The following CR1 variants were observed in gnomAD, a reference collection of about 807,000 sequenced individuals.
CR1 encodes complement C3b/C4b receptor 1 (Knops blood group).
Under a neutral mutation model 187.3 loss-of-function variants are expected in CR1, and 116 were observed. The observed-to-expected ratio is 0.62, with a 90% confidence interval of 0.53 to 0.72. The LOEUF (loss-of-function observed/expected upper bound fraction) is 0.72, where lower values mean the gene tolerates loss of function less well. Among genes scored for constraint, CR1 ranks in the 30% least tolerant of loss-of-function variants. The pLI is 0.00. For missense variants in CR1, 1,731 were observed against 2,110.7 expected (o/e 0.82, Z 3.52); for synonymous variants, 576 against 747.1 (o/e 0.77, Z 3.73).
In CR1 at chr1:207,577,939, G is replaced by A. The variant is rs1660809868; in HGVS notation, c.4672G>A (p.Val1558Met). 6 of 1,612,164 alleles carry A rather than the reference G, an allele frequency of 3.7e-6. No homozygotes were observed. The East Asian group carries it at 1.3e-4, about 36-fold the overall frequency. ...GSRGRKVFELVGEPSIYCTSN... is the reference protein window; with the variant it reads ...GSRGRKVFELMGEPSIYCTSN... ...CAGAGGGAGAAAGGTGTTTGAGCTT[G>A]TGGGTGAGCCCTCCATATACTGCAC... The change falls in exon 29 of 47, where the codon GTG (valine) becomes ATG (methionine). Residue 1558 changes from valine (V) to methionine (M), a missense_variant. Around this residue, in one of 5 missense-constraint regions of CR1, gnomAD observed 1,312 missense variants for 1,379.6 expected, o/e 0.95. Coordinates refer to ENST00000367049, the MANE Select transcript of CR1 (RefSeq NM_000651.6).
intron 34 of CR1, among the ~76,000 whole-genome samples, chr1:207,588,179 G>A (rs1266429527): frequency 6.6e-6 from 1 of 151,996 alleles, no homozygotes; most frequent in Admixed American, 6.6e-5. Flanking sequence ...TTTTTTGTTT[G>A]TTTGTTTGTT....
chr1:207,637,876 T>G (rs562461605), intron 46 of CR1, among the ~76,000 whole-genome samples: 13 of 152,312 alleles, frequency 8.5e-5, no homozygotes, highest in Admixed American at 8.5e-4. Context: ...AAGCTGATTT[T>G]CTCCTGGTGA....
In CR1 at chr1:207,609,594, T is replaced by G. The variant is rs745333008; in HGVS notation, c.6201T>G (p.Phe2067Leu). The G allele has an allele frequency of 6.2e-7, 1 of 1,613,284 alleles. No individual in the cohort carries two copies. Among genetic ancestry groups the G allele is most frequent in the South Asian group, 1.1e-5 (1 of 90,936 alleles). The change falls in exon 37 of 47, where the codon TTT (phenylalanine) becomes TTG (leucine). Residue 2067 changes from phenylalanine (F) to leucine (L), a missense_variant. By Grantham distance (22) the Phe-to-Leu change is conservative. Coordinates refer to ENST00000367049, the MANE Select transcript of CR1 (RefSeq NM_000651.6). ...TTACCCTCACTGAGATCATCAGATTTAGATGTCAGCCCGGGTTTGTCATGG... is the reference window on the plus strand; with the variant it reads ...TTACCCTCACTGAGATCATCAGATTGAGATGTCAGCCCGGGTTTGTCATGG... ...SFFTLTEIIR[F>L]RCQPGFVMVG... is the part of the protein sequence containing the mutation.
intron 4 of CR1, among the ~76,000 whole-genome samples, chr1:207,519,825 G>C (rs1472133743): frequency 1.3e-5 from 2 of 152,146 alleles, no homozygotes; most frequent in African/African-American, 4.8e-5. Flanking sequence ...ACAGCCGATT[G>C]GTTATAGCTC....
At chr1:207,633,181 C>G (rs1486554807) in intron 46 of CR1, among the ~76,000 whole-genome samples, 1 of 152,192 alleles carries the variant, frequency 6.6e-6, no homozygotes. Context: ...AACCAAGATG[C>G]TCTCCCAAAC....
At chr1:207,611,377 C>G (rs183215482) in intron 37 of CR1, among the ~76,000 whole-genome samples, 12 of 152,294 alleles carry the variant, frequency 7.9e-5, no homozygotes, top group African/African-American at 2.9e-4. Flanking sequence ...CCCGCACTCA[C>G]GACTCTGTGC....
Position 207,587,543 on chromosome 1 carries a change from A to C in CR1, c.5688A>C (p.Ser1896=). The part of the protein sequence containing the change: ...SISCLENLVW[S]SVEDNCRRKS... ...CCTGCCTAGAAAACTTGGTCTGGTC[A>C]AGTGTTGAAGACAACTGTAGACGTG... The change falls in exon 34 of 47, where the codon TCA becomes TCC. Residue 1896 remains serine (S), a synonymous_variant. Coordinates refer to ENST00000367049, the MANE Select transcript of CR1 (RefSeq NM_000651.6). 1 of 1,613,870 alleles carries C rather than the reference A, an allele frequency of 6.2e-7. No homozygotes were observed.
intron 33 of CR1, among the ~76,000 whole-genome samples, chr1:207,586,132 G>A (rs1401212129): frequency 6.6e-6 from 1 of 151,674 alleles, no homozygotes; most frequent in East Asian, 1.9e-4. Flanking sequence ...TTTTGTGTGT[G>A]TGTGTGTGTG....
chr1:207,615,876 T>C (rs1380240376), intron 40 of CR1, among the ~76,000 whole-genome samples: 1 of 152,228 alleles, frequency 6.6e-6, no homozygotes, highest in Non-Finnish European at 1.5e-5. Context: ...CTAGGTCTTT[T>C]ATATACACAT....
intron 42 of CR1, among the ~76,000 whole-genome samples, chr1:207,619,485 T>C (rs1431976652): frequency 6.6e-6 from 1 of 152,174 alleles, no homozygotes; most frequent in Non-Finnish European, 1.5e-5. Context: ...GCCAGAATTA[T>C]GCATTTAATA....
intron 5 of CR1, among the ~76,000 whole-genome samples, chr1:207,524,306 G>A (rs1660098244): frequency 6.6e-6 from 1 of 151,964 alleles, no homozygotes; most frequent in Non-Finnish European, 1.5e-5. Context: ...CCTCTGGCCG[G>A]GCACTATAAT....
intron 1 of CR1, among the ~76,000 whole-genome samples, chr1:207,499,985 G>A (rs960891566): frequency 4.6e-5 from 7 of 152,102 alleles, no homozygotes; most frequent in South Asian, 2.1e-4. Flanking sequence ...CACCCTCTCC[G>A]CAAAGACACA....
chr1:207,508,495 T>C lies in CR1; in HGVS notation c.401+1682T>C, dbSNP rs55727298. The stretch of plus-strand genomic sequence containing the variant: ...TCTATTTTTTAAAACTGCATAGACA[T>C]AAATACATGGGCATATGTGCATAAA... On this transcript the variant is annotated intron_variant, in intron 3 of 46. Coordinates refer to ENST00000367049, the MANE Select transcript of CR1 (RefSeq NM_000651.6). 3.0e-3 allele frequency among the ~76,000 whole-genome samples: 464 copies of C among 152,334 alleles called. 1 individual carries two copies. Among genetic ancestry groups the C allele is most frequent in the African/African-American group, 0.01 (436 of 41,586 alleles).
chr1:207,513,819 A>G (rs1450968499), intron 4 of CR1, among the ~76,000 whole-genome samples: 1 of 113,254 alleles, frequency 8.8e-6, no homozygotes, highest in Non-Finnish European at 1.7e-5. Context: ...CTCTTTCCTT[A>G]TTTTCTTTCT....
chr1:207,510,997 T>A (rs1354052147), intron 3 of CR1, among the ~76,000 whole-genome samples: 1 of 151,952 alleles, frequency 6.6e-6, no homozygotes, highest in Non-Finnish European at 1.5e-5. Context: ...TTTTTATAAA[T>A]TTTTTGTACA....
chr1:207,580,500 T>C lies in CR1; in HGVS notation c.5114-11T>C, dbSNP rs777323489. The C allele has an allele frequency of 1.8e-5, 28 of 1,585,436 alleles. No homozygotes were observed. Among genetic ancestry groups the C allele is most frequent in the Non-Finnish European group, 2.4e-5 (28 of 1,169,882 alleles). ...TCCTATTTTTTCTTTTTTTTTTTTT[T>C]CTTCTTCTAGTGAAATCCTGTGATG... On this transcript the variant is annotated splice_polypyrimidine_tract_variant and intron_variant, in intron 30 of 46. Transcript: ENST00000367049.
chr1:207,616,167 T>C (rs1468157260), intron 40 of CR1, among the ~76,000 whole-genome samples: 1 of 152,214 alleles, frequency 6.6e-6, no homozygotes, highest in Admixed American at 6.5e-5. Flanking sequence ...CTCATGTTTA[T>C]TAAAGTTCAT....
chr1:207,586,124 T>TTGTGTGTG lies in CR1; in HGVS notation c.5531-1247_5531-1240dup, dbSNP rs3219612. ...GTTCTGGTTCTTTTTTTGTTTTGTT[T>TTGTGTGTG]TGTGTGTGTGTGTGTGTGTGTGCTT... On this transcript the variant is annotated intron_variant, in intron 33 of 46. Coordinates refer to ENST00000367049, the MANE Select transcript of CR1 (RefSeq NM_000651.6). Among the ~76,000 whole-genome samples the TTGTGTGTG allele has an allele frequency of 9.1e-3, 1,371 of 150,128 alleles. 12 individuals carry two copies. The highest frequency in any genetic ancestry group is 0.032 in the African/African-American group (1,285 of 40,688).
chr1:207,501,585 C>T (rs1659271195), intron 1 of CR1, among the ~76,000 whole-genome samples: 2 of 152,280 alleles, frequency 1.3e-5, no homozygotes, highest in African/African-American at 2.4e-5. Flanking sequence ...AGCTATTATA[C>T]AACTTTGCTT....
Sources: gnomAD v4.1 joint callset for allele counts (sites outside exome capture counted in the v4.1 genomes callset) on GRCh38, gnomAD v4.1.1 for gene constraint, gnomAD v4.1.1 regional missense constraint, MANE v1.5 for transcripts, NCBI Gene and HGNC (gene_info 2026-07-23, HGNC 2026-07-21) for gene names.